Variants in MAP7 observed in about 807,000 individuals in gnomAD.
The protein encoded by MAP7 is microtubule associated protein 7.
Under a neutral mutation model 94.8 loss-of-function variants are expected in MAP7, and 52 were observed. The observed-to-expected ratio is 0.55, with a 90% confidence interval of 0.44 to 0.69. The LOEUF is 0.69. MAP7 is among the 30% of genes least tolerant of loss of function. MAP7 has a pLI of 0.00. For missense variants in MAP7, 940 were observed against 964.6 expected, an observed-to-expected ratio of 0.97 and a Z score of 0.34; for synonymous variants, 350 against 357.0, an observed-to-expected ratio of 0.98 and a Z score of 0.22.
At chr6:136,388,848 C>T (rs1050139296) in intron 4 of MAP7, among the ~76,000 whole-genome samples, 6 of 152,114 alleles carry the variant, frequency 3.9e-5, no homozygotes, top group African/African-American at 1.4e-4. Flanking sequence ...ATTTACCATA[C>T]GATACCATAT....
chr6:136,377,956 C>T (rs1048319818), intron 6 of MAP7, 88 bp from the exon 7 acceptor site: 6 of 934,556 alleles, frequency 6.4e-6, no homozygotes, highest in Middle Eastern at 3.2e-4. Flanking sequence ...CTTCCATACG[C>T]TGGGCCTTCA....
intron 1 of MAP7, among the ~76,000 whole-genome samples, chr6:136,428,773 A>G (rs1012700964): frequency 6.6e-6 from 1 of 152,264 alleles, no homozygotes; most frequent in African/African-American, 2.4e-5. Flanking sequence ...TCAGTCATTG[A>G]TATCTGGCCA....
In MAP7 at chr6:136,362,619, TGGCTGGGGTGGGGACCGG is replaced by T; in HGVS notation, c.1339_1356del (p.Pro447_Ala452del). The T allele has an allele frequency of 6.2e-7, 1 of 1,612,950 alleles. No homozygotes were observed. The highest frequency in any genetic ancestry group is 1.3e-5 in the African/African-American group (1 of 74,860). ...ACAGTGGATGACGGGGCTGAGACCA[TGGCTGGGGTGGGGACCGG>T]GGCTGGAGCTGGGGCCGAGGCTGGA... On this transcript the variant is annotated inframe_deletion, in exon 11 of 18. Transcript: ENST00000354570.
intron 1 of MAP7, among the ~76,000 whole-genome samples, chr6:136,457,739 G>T (rs1803807639): frequency 6.6e-6 from 1 of 151,856 alleles, no homozygotes; most frequent in East Asian, 1.9e-4. Context: ...AAAAGAAATT[G>T]ACAAAATTTG....
intron 1 of MAP7, among the ~76,000 whole-genome samples, chr6:136,435,316 C>T (rs1423709213): frequency 6.6e-6 from 1 of 152,190 alleles, no homozygotes; most frequent in East Asian, 1.9e-4. Flanking sequence ...TGTCACAGGC[C>T]TGGCCTATCT....
chr6:136,441,422 A>G (rs1451519516), intron 1 of MAP7, among the ~76,000 whole-genome samples: 2 of 152,238 alleles, frequency 1.3e-5, no homozygotes, highest in Non-Finnish European at 2.9e-5. Flanking sequence ...AATTAGAGCT[A>G]CAGTTCAGCA....
chr6:136,487,548 AG>A (rs1394293421), intron 1 of MAP7, among the ~76,000 whole-genome samples: 2 of 152,042 alleles, frequency 1.3e-5, no homozygotes, highest in Non-Finnish European at 2.9e-5. Context: ...AAAAATTTAA[AG>A]AAAAAAAAAA....
chr6:136,430,110 A>G (rs1794475968), intron 1 of MAP7, among the ~76,000 whole-genome samples: 1 of 152,232 alleles, frequency 6.6e-6, no homozygotes, highest in South Asian at 2.1e-4. Flanking sequence ...ACCGCTGGAA[A>G]CGGAGTTTAT....
At chr6:136,450,792 AAAAG>A (rs1800879262) in intron 1 of MAP7, among the ~76,000 whole-genome samples, 1 of 152,126 alleles carries the variant, frequency 6.6e-6, no homozygotes, top group Non-Finnish European at 1.5e-5. Context: ...CTCAAAAAAA[AAAAG>A]AAAGAAAGTG....
intron 1 of MAP7, among the ~76,000 whole-genome samples, chr6:136,438,726 C>T (rs370286418): frequency 1.8e-4 from 27 of 152,214 alleles, no homozygotes; most frequent in African/African-American, 6.5e-4. Context: ...TAAAGAAAAA[C>T]TGACAGGTCA....
intron 1 of MAP7, among the ~76,000 whole-genome samples, chr6:136,517,726 T>C (rs1218989195): frequency 1.3e-5 from 2 of 151,714 alleles, no homozygotes; most frequent in Non-Finnish European, 2.9e-5. Flanking sequence ...ACACCAAATA[T>C]AGCCTGGATT....
intron 1 of MAP7, among the ~76,000 whole-genome samples, chr6:136,423,187 T>C (rs1390173604): frequency 1.3e-5 from 2 of 152,198 alleles, no homozygotes; most frequent in Non-Finnish European, 2.9e-5. Context: ...ATAGCACCCA[T>C]GCAGGTTTGA....
At chr6:136,399,510 GTT>G (rs1023049609) in intron 3 of MAP7, among the ~76,000 whole-genome samples, 1 of 146,096 alleles carries the variant, frequency 6.8e-6, no homozygotes. Flanking sequence ...TGTCTGGCTC[GTT>G]TTTTTTTTTA....
intron 1 of MAP7, among the ~76,000 whole-genome samples, chr6:136,447,066 T>G (rs1417039192): frequency 6.6e-6 from 1 of 152,184 alleles, no homozygotes; most frequent in African/African-American, 2.4e-5. Context: ...TGGGATGTGT[T>G]CTATATGCAA....
intron 3 of MAP7, 86 bp from the exon 4 acceptor site, chr6:136,389,603 G>T: frequency 8.0e-7 from 1 of 1,242,978 alleles, no homozygotes; most frequent in Non-Finnish European, 1.1e-6. Context: ...TGTATTAAGT[G>T]GTCTACAATG....
chr6:136,385,666 A>T (rs1779002719), intron 5 of MAP7, among the ~76,000 whole-genome samples: 1 of 152,234 alleles, frequency 6.6e-6, no homozygotes, highest in Admixed American at 6.5e-5. Flanking sequence ...AAAATTATGG[A>T]GGCACACCAT....
At chr6:136,479,709 C>T (rs948779425) in intron 1 of MAP7, among the ~76,000 whole-genome samples, 2 of 152,040 alleles carry the variant, frequency 1.3e-5, no homozygotes, top group Non-Finnish European at 2.9e-5. Context: ...TTTCCATACA[C>T]CAACAGCAAA....
At chr6:136,396,178 C>T (rs1782403436) in intron 3 of MAP7, among the ~76,000 whole-genome samples, 1 of 151,964 alleles carries the variant, frequency 6.6e-6, no homozygotes, top group Admixed American at 6.6e-5. Flanking sequence ...ATTAATTGTT[C>T]CAATTCATGA....
rs1248448826 is a variant in MAP7 at position 136,537,983 on chromosome 6, C to A, written c.67+12359G>T. ...TTTAGTAGAAACAGAGGTTTCTCCA[C>A]ATTGGTGAGGCTGGTCTCGAACTCC... On this transcript the variant is annotated intron_variant, in intron 1 of 17. Coordinates refer to ENST00000354570, the MANE Select transcript of MAP7 (RefSeq NM_003980.6). 2.0e-5 allele frequency among the ~76,000 whole-genome samples: 3 copies of A among 152,298 alleles called. No homozygotes were observed. In the East Asian group the frequency reaches 5.8e-4, roughly 29 times the overall value.
Sources: allele counts gnomAD v4.1 joint callset (sites outside exome capture counted in the v4.1 genomes callset), GRCh38; gene constraint gnomAD v4.1.1; transcripts MANE v1.5; gene names NCBI Gene and HGNC (gene_info 2026-07-23, HGNC 2026-07-21).